SLC25A21: variants seen among roughly 807,000 people sequenced by gnomAD.
SLC25A21 encodes solute carrier family 25 member 21.
A neutral mutation model predicts 43.8 loss-of-function variants in SLC25A21; 47 were observed. The observed-to-expected ratio is 1.07, with a 90% CI of 0.85 to 1.37. The LOEUF (loss-of-function observed/expected upper bound fraction) is 1.37. Among genes scored for constraint, SLC25A21 ranks in the 40% most tolerant of loss-of-function variants. The pLI, the probability that SLC25A21 is intolerant of heterozygous loss-of-function variation, is 0.00. For missense variants in SLC25A21, 352 were observed against 350.2 expected (o/e 1.00, Z -0.04); for synonymous variants, 131 against 121.3 (o/e 1.08, Z -0.52).
intron 1 of SLC25A21, among the ~76,000 whole-genome samples, chr14:36,970,867 A>G (rs926532585): frequency 2.0e-5 from 3 of 152,184 alleles, no homozygotes; most frequent in Admixed American, 6.5e-5. Context: ...AATATTACTA[A>G]TATTTCATTC....
intron 1 of SLC25A21, among the ~76,000 whole-genome samples, chr14:37,061,172 G>T (rs1173953328): frequency 1.3e-5 from 2 of 152,168 alleles, no homozygotes; most frequent in African/African-American, 4.8e-5. Context: ...ACACCTCAGA[G>T]ACTAGGAGGT....
intron 1 of SLC25A21, among the ~76,000 whole-genome samples, chr14:37,044,246 T>C (rs1566838695): frequency 6.6e-6 from 1 of 152,120 alleles, no homozygotes; most frequent in Non-Finnish European, 1.5e-5. Context: ...TTGTTATTAA[T>C]AATATTTTTT....
At chr14:37,137,187 C>T (rs930005148) in intron 1 of SLC25A21, among the ~76,000 whole-genome samples, 12 of 151,948 alleles carry the variant, frequency 7.9e-5, no homozygotes, top group South Asian at 2.1e-4. Context: ...TTAGTAGAGA[C>T]GGGGTTTCAC....
rs528158153 is a variant in SLC25A21, at chr14:36,781,849, A to G, written c.203+32069T>C. ...TTAGCAGGGAGTCTTATACTTTCATATGTTTTCATGTTACTAATTAACATC... is the reference window on the plus strand; with the variant it reads ...TTAGCAGGGAGTCTTATACTTTCATGTGTTTTCATGTTACTAATTAACATC... On this transcript the variant is annotated intron_variant, in intron 3 of 9. Coordinates refer to ENST00000331299, the MANE Select transcript of SLC25A21 (RefSeq NM_030631.4). 5.3e-5 allele frequency among the ~76,000 whole-genome samples: 8 copies of G among 152,274 alleles called. No homozygotes were observed. The East Asian group carries it at 1.5e-3, about 29-fold the overall frequency.
intron 1 of SLC25A21, among the ~76,000 whole-genome samples, chr14:36,898,356 G>A (rs902322358): frequency 6.6e-6 from 1 of 152,188 alleles, no homozygotes; most frequent in African/African-American, 2.4e-5. Context: ...TAATCTCCTG[G>A]TGTGCCATTT....
At chr14:37,072,249 C>T (rs1962189106) in intron 1 of SLC25A21, among the ~76,000 whole-genome samples, 1 of 151,342 alleles carries the variant, frequency 6.6e-6, no homozygotes, top group South Asian at 2.1e-4. Context: ...TCCATTCTCA[C>T]TGTATTGTTC....
intron 1 of SLC25A21, among the ~76,000 whole-genome samples, chr14:37,071,044 A>C (rs1962160043): frequency 9.1e-6 from 1 of 110,046 alleles, no homozygotes; most frequent in Non-Finnish European, 1.7e-5. Flanking sequence ...ACAGCAGCAA[A>C]AGGGAAAGGA....
intron 1 of SLC25A21, among the ~76,000 whole-genome samples, chr14:37,041,394 C>G (rs1276656297): frequency 6.6e-6 from 1 of 152,106 alleles, no homozygotes; most frequent in African/African-American, 2.4e-5. Context: ...GTGGTGTATT[C>G]CCGTAGTGCC....
Position 36,678,967 on chromosome 14 carries a change from A to G in SLC25A21, c.*1691T>C. ...TAACTTTTAAAGATTATTATTGGTTAATGTTGACATATTTCCTCTATCTCA... is the reference window on the plus strand; with the variant it reads ...TAACTTTTAAAGATTATTATTGGTTGATGTTGACATATTTCCTCTATCTCA... On this transcript the variant is annotated 3_prime_UTR_variant, in exon 10 of 10. Transcript: ENST00000331299. The G allele has an allele frequency of 1.0e-6, 1 of 981,760 alleles. No individual in the cohort carries two copies. The allele number at this position is 981,760 out of a possible 1,614,324, so 60.8% of individuals were successfully genotyped here.
chr14:37,073,277 C>T (rs1962211458), intron 1 of SLC25A21, among the ~76,000 whole-genome samples: 1 of 152,216 alleles, frequency 6.6e-6, no homozygotes, highest in South Asian at 2.1e-4. Flanking sequence ...TCCTTAGTCA[C>T]TTTTTCACAG....
chr14:36,694,658 C>T (rs1236122809), intron 7 of SLC25A21, among the ~76,000 whole-genome samples: 1 of 152,156 alleles, frequency 6.6e-6, no homozygotes, highest in Non-Finnish European at 1.5e-5. Flanking sequence ...TCTCTGATGA[C>T]CAGTGATGAT....
intron 1 of SLC25A21, among the ~76,000 whole-genome samples, chr14:37,023,568 A>G (rs1047492251): frequency 2.6e-5 from 4 of 151,990 alleles, no homozygotes; most frequent in Non-Finnish European, 5.9e-5. Context: ...CCATCTATTG[A>G]TTCATCAATA....
chr14:36,703,458 C>G (rs918409093), intron 7 of SLC25A21, among the ~76,000 whole-genome samples: 11 of 152,272 alleles, frequency 7.2e-5, no homozygotes, highest in African/African-American at 2.4e-4. Flanking sequence ...AGGGACAGGT[C>G]TAAATGGTTT....
chr14:36,908,902 T>C (rs757245942), intron 1 of SLC25A21, among the ~76,000 whole-genome samples: 123 of 152,316 alleles, frequency 8.1e-4, no homozygotes, highest in Non-Finnish European at 1.5e-3. Flanking sequence ...ATTGATTTAC[T>C]ATGCTTTGAG....
At chr14:37,070,226 T>C (rs1029900306) in intron 1 of SLC25A21, among the ~76,000 whole-genome samples, 5 of 152,204 alleles carry the variant, frequency 3.3e-5, no homozygotes, top group African/African-American at 9.6e-5. Context: ...AAGAGACATA[T>C]GACAGAGGAA....
At chr14:37,067,131 A>G (rs1324413970) in intron 1 of SLC25A21, among the ~76,000 whole-genome samples, 1 of 152,162 alleles carries the variant, frequency 6.6e-6, no homozygotes, top group Non-Finnish European at 1.5e-5. Context: ...AATAATGGGG[A>G]AGCAGGAGGG....
intron 1 of SLC25A21, among the ~76,000 whole-genome samples, chr14:37,047,887 T>C (rs1961622011): frequency 6.6e-6 from 1 of 152,172 alleles, no homozygotes; most frequent in South Asian, 2.1e-4. Flanking sequence ...AACAAGAACA[T>C]ATTAACAGCA....
At chr14:36,768,411 T>C (rs138189991) in intron 3 of SLC25A21, among the ~76,000 whole-genome samples, 5 of 152,352 alleles carry the variant, frequency 3.3e-5, no homozygotes, top group Non-Finnish European at 4.4e-5. Flanking sequence ...CCAATTTTTT[T>C]AATTATTAAA....
intron 5 of SLC25A21, among the ~76,000 whole-genome samples, chr14:36,728,827 A>C (rs1290570745): frequency 6.6e-6 from 1 of 152,222 alleles, no homozygotes; most frequent in Non-Finnish European, 1.5e-5. Flanking sequence ...ACTTGGAAGG[A>C]GAAATTAGTG....
Sources: gnomAD v4.1 joint callset for allele counts (sites outside exome capture counted in the v4.1 genomes callset) on GRCh38, gnomAD v4.1.1 for gene constraint, MANE v1.5 for transcripts, NCBI Gene and HGNC (gene_info 2026-07-23, HGNC 2026-07-21) for gene names.